The following SLC30A1 variants were observed in gnomAD, a reference collection of about 807,000 sequenced individuals.
The protein encoded by SLC30A1 is solute carrier family 30 member 1, also known as proton-coupled zinc antiporter SLC30A1.
A neutral mutation model predicts 29.8 loss-of-function variants in SLC30A1; 7 were observed. The ratio of observed to expected loss-of-function variants is 0.23; its 90% CI spans 0.13 to 0.44. The LOEUF (loss-of-function observed/expected upper bound fraction) is 0.44. SLC30A1 is among the 20% of genes least tolerant of loss of function. The probability of loss-of-function intolerance (pLI) is 1.00; values close to 1 mark genes in which losing one functional copy is unlikely to be tolerated. For missense variants in SLC30A1, 446 were observed against 647.9 expected (o/e 0.69, Z 3.38); for synonymous variants, 254 against 253.5 (o/e 1.00, Z -0.02).
rs1706749684 is a variant in SLC30A1, at chr1:211,578,437, C to T, written c.176G>A (p.Arg59His). The change falls in exon 1 of 2, where the codon CGC becomes CAC. Residue 59 changes from arginine (R) to histidine (H), a missense_variant. Arg to His is a conservative substitution (Grantham distance 29). This residue lies in a region of SLC30A1 where 62 missense variants were observed against 91.5 expected (regional missense o/e 0.68). Transcript: ENST00000367001. ...LALVVALVAE[R>H]FARRTHATQK... ...GGTGGCGTGGGTCCGCCGGGCGAAG[C>T]GCTCGGCCACCAGCGCCACCACCAG... is the stretch of plus-strand genomic sequence containing the variant. The T allele has an allele frequency of 6.2e-7, 1 of 1,612,090 alleles. No individual in the cohort carries two copies. The highest frequency in any genetic ancestry group is 8.5e-7 in the Non-Finnish European group (1 of 1,179,518).
rs1368436826 is a variant in SLC30A1 at position 211,574,864 on chromosome 1, T to C, written c.*524A>G. 6.5e-6 allele frequency: 1 copy of C among 153,338 alleles called. No individual in the cohort carries two copies. The highest frequency in any genetic ancestry group is 1.5e-5 in the Non-Finnish European group (1 of 68,862). 9.5% of individuals were successfully genotyped at this position (153,338 alleles called of 1,614,324 possible). A position where few individuals can be genotyped will look rare whatever the true frequency, so the allele number is the denominator to read the frequency against. ...AATACAGGATAGTAACTGATCTTAT[T>C]TCCTACTAATAGCCATGAGTCACTC... On this transcript the variant is annotated 3_prime_UTR_variant, in exon 2 of 2. Transcript: ENST00000367001.
At position 211,572,985 on chromosome 1, in the gene SLC30A1, T is replaced by C. The variant is rs1333631384; in HGVS notation, c.*2403A>G. On this transcript the variant is annotated 3_prime_UTR_variant, in exon 2 of 2. Coordinates refer to ENST00000367001, the MANE Select transcript of SLC30A1 (RefSeq NM_021194.3). ...AAATAGCATATTTAAATATTGGGTT[T>C]AAGTCTCCTAATAATTCAGAGTATT... is the stretch of plus-strand genomic sequence containing the variant. The C allele has an allele frequency of 6.6e-6, 1 of 152,108 alleles. No individual in the cohort carries two copies. Among genetic ancestry groups the C allele is most frequent in the Non-Finnish European group, 1.5e-5 (1 of 67,940 alleles). 9.4% of individuals were successfully genotyped at this position (152,108 alleles called of 1,614,324 possible). A position where few individuals can be genotyped will look rare whatever the true frequency, so the allele number is the denominator to read the frequency against.
chr1:211,574,423 C>T lies in SLC30A1; in HGVS notation c.*965G>A, dbSNP rs1706694230. 1 of 152,080 alleles carries T rather than the reference C, an allele frequency of 6.6e-6. No homozygotes were observed. The highest frequency in any genetic ancestry group is 6.6e-5 in the Admixed American group (1 of 15,266). 9.4% of individuals were successfully genotyped at this position (152,080 alleles called of 1,614,324 possible). Reference sequence around the variant, plus strand: ...ATTGCTGGTTGTGCTCAAAAAGCTCCATTTAAATCCATTCATGATTGGTTA... The same window carrying T: ...ATTGCTGGTTGTGCTCAAAAAGCTCTATTTAAATCCATTCATGATTGGTTA... On this transcript the variant is annotated 3_prime_UTR_variant, in exon 2 of 2. Transcript: ENST00000367001.
Position 211,572,785 on chromosome 1 carries a change from G to C in SLC30A1, c.*2603C>G, listed in dbSNP as rs1459336184. 5.9e-5 allele frequency: 9 copies of C among 152,022 alleles called. No homozygotes were observed. The highest frequency in any genetic ancestry group is 2.2e-4 in the African/African-American group (9 of 41,416). The allele number at this position is 152,022 out of a possible 1,614,324, so 9.4% of individuals were successfully genotyped here. On this transcript the variant is annotated 3_prime_UTR_variant, in exon 2 of 2. Coordinates refer to ENST00000367001, the MANE Select transcript of SLC30A1 (RefSeq NM_021194.3). ...GGAGAATTAAATCTCTCATCACTAAGGCTGCATTTGGCTTGGAAAAATTTC... is the reference window on the plus strand; with the variant it reads ...GGAGAATTAAATCTCTCATCACTAACGCTGCATTTGGCTTGGAAAAATTTC...
At position 211,573,456 on chromosome 1, in the gene SLC30A1, C is replaced by T. The variant is rs1706677249; in HGVS notation, c.*1932G>A. 1 of 151,918 alleles carries T rather than the reference C, an allele frequency of 6.6e-6. No homozygotes were observed. The highest frequency in any genetic ancestry group is 2.4e-5 in the African/African-American group (1 of 41,406). The allele number at this position is 151,918 out of a possible 1,614,324, so 9.4% of individuals were successfully genotyped here. A position where few individuals can be genotyped will look rare whatever the true frequency, so the allele number is the denominator to read the frequency against. On this transcript the variant is annotated 3_prime_UTR_variant, in exon 2 of 2. Coordinates refer to ENST00000367001, the MANE Select transcript of SLC30A1 (RefSeq NM_021194.3). ...TCAAGTAGAGCATTTGTAAAGAAAACCTCATTGAATGTAATATATTTTATC... is the reference window on the plus strand; with the variant it reads ...TCAAGTAGAGCATTTGTAAAGAAAATCTCATTGAATGTAATATATTTTATC...
Position 211,578,123 on chromosome 1 carries a change from G to A in SLC30A1, c.490C>T (p.Arg164Cys), listed in dbSNP as rs767899380. The change falls in exon 1 of 2, where the codon CGC (arginine) becomes TGC (cysteine). Residue 164 changes from arginine to cysteine, a missense_variant. Arg to Cys is a radical substitution (Grantham distance 180). Around this residue, in one of 5 missense-constraint regions of SLC30A1, gnomAD observed 159 missense variants for 161.1 expected, o/e 0.99. Coordinates refer to ENST00000367001, the MANE Select transcript of SLC30A1 (RefSeq NM_021194.3). ...GHGHGLPKGP[R>C]VKSTRPGSSD... is the part of the protein sequence containing the mutation. The stretch of plus-strand genomic sequence containing the variant: ...CTCCCGGGGCGGGTGCTCTTAACGC[G>A]AGGCCCCTTGGGGAGGCCGTGGCCG... The A allele has an allele frequency of 4.3e-6, 7 of 1,609,446 alleles. No individual in the cohort carries two copies. The Admixed American group carries it at 8.4e-5, about 19-fold the overall frequency.
Position 211,578,531 on chromosome 1 carries a change from C to T in SLC30A1, c.82G>A (p.Val28Met), listed in dbSNP as rs1433707917. 1 of 1,611,112 alleles carries T rather than the reference C, an allele frequency of 6.2e-7. No individual in the cohort carries two copies. The highest frequency in any genetic ancestry group is 1.1e-5 in the South Asian group (1 of 90,776). Reference protein sequence around the residue: ...TFMFMVLEVVVSRVTSSLAML... With the variant: ...TFMFMVLEVVMSRVTSSLAML... Reference sequence around the variant, plus strand: ...GCCAGCGACGAGGTCACCCGGCTCACCACCACCTCCAGCACCATGAACATG... The same window carrying T: ...GCCAGCGACGAGGTCACCCGGCTCATCACCACCTCCAGCACCATGAACATG... Residue 28 changes from valine (V) to methionine (M), a missense_variant, in exon 1 of 2, where the codon GTG becomes ATG. Val to Met is a conservative substitution (Grantham distance 21). Around this residue, in one of 5 missense-constraint regions of SLC30A1, gnomAD observed 62 missense variants for 91.5 expected, o/e 0.68. Transcript: ENST00000367001.
At position 211,575,956 on chromosome 1, in the gene SLC30A1, G is replaced by A; in HGVS notation, c.956C>T (p.Thr319Ile). 6.2e-7 allele frequency: 1 copy of A among 1,613,286 alleles called. No individual in the cohort carries two copies. Among genetic ancestry groups the A allele is most frequent in the Non-Finnish European group, 8.5e-7 (1 of 1,179,486 alleles). Residue 319 changes from threonine (T) to isoleucine (I), a missense_variant, in exon 2 of 2, where the codon ACT becomes ATT. Coordinates refer to ENST00000367001, the MANE Select transcript of SLC30A1 (RefSeq NM_021194.3). This position sits in a 1 kb window ranked among gnomAD's most constrained non-coding sequence, Gnocchi z 6.0. ...TATACAAACCATTACAACACAAAGA[G>A]TTGGATCTAAATATAGCACCCAGCA... ...GPCWVLYLDPTLCVVMVCILL... is the reference protein window; with the variant it reads ...GPCWVLYLDPILCVVMVCILL...
In SLC30A1 at chr1:211,578,099, T is replaced by G. The variant is rs1706744706; in HGVS notation, c.514A>C (p.Ser172Arg). The change falls in exon 1 of 2, where the codon AGC (serine) becomes CGC (arginine). Residue 172 changes from serine (S) to arginine (R), a missense_variant. Coordinates refer to ENST00000367001, the MANE Select transcript of SLC30A1 (RefSeq NM_021194.3). ...CCCGGGGCCACGTTGATGTCGCTGC[T>G]CCCGGGGCGGGTGCTCTTAACGCGA... ...GPRVKSTRPGSSDINVAPGEQ... is the reference protein window; with the variant it reads ...GPRVKSTRPGRSDINVAPGEQ... The G allele has an allele frequency of 1.2e-6, 2 of 1,611,374 alleles. No homozygotes were observed. Among genetic ancestry groups the G allele is most frequent in the Non-Finnish European group, 1.7e-6 (2 of 1,179,226 alleles).
Position 211,571,916 on chromosome 1 carries a change from G to A in SLC30A1, c.*3472C>T, listed in dbSNP as rs1437897110. 5 of 152,048 alleles carry A rather than the reference G, an allele frequency of 3.3e-5. No individual in the cohort carries two copies. Among genetic ancestry groups the A allele is most frequent in the Admixed American group, 6.6e-5 (1 of 15,262 alleles). The allele number at this position is 152,048 out of a possible 1,614,324, so 9.4% of individuals were successfully genotyped here. ...GATACACTTCATTGTGCTGTTTCAA[G>A]GCAGAACCATAACATGGCAATTTGT... is the stretch of plus-strand genomic sequence containing the variant. On this transcript the variant is annotated 3_prime_UTR_variant, in exon 2 of 2. Transcript: ENST00000367001.
Position 211,575,901 on chromosome 1 carries a change from C to T in SLC30A1, c.1011G>A (p.Lys337=). The T allele has an allele frequency of 6.2e-7, 1 of 1,612,740 alleles. No homozygotes were observed. The change falls in exon 2 of 2, where the codon AAG becomes AAA. Residue 337 remains lysine (K), a synonymous_variant. Coordinates refer to ENST00000367001, the MANE Select transcript of SLC30A1 (RefSeq NM_021194.3). This position sits in a 1 kb window ranked among gnomAD's most constrained non-coding sequence, Gnocchi z 6.0. ...TTTGTAGAAGAATAAGAGCAGATTCCTTAAGTAATGGATAGGTTGTGTAAA... is the reference window on the plus strand; with the variant it reads ...TTTGTAGAAGAATAAGAGCAGATTCTTTAAGTAATGGATAGGTTGTGTAAA... ...ILLYTTYPLL[K]ESALILLQTV...
At position 211,573,513 on chromosome 1, in the gene SLC30A1, T is replaced by C. The variant is rs370419496; in HGVS notation, c.*1875A>G. 6 of 152,186 alleles carry C rather than the reference T, an allele frequency of 3.9e-5. No individual in the cohort carries two copies. The highest frequency in any genetic ancestry group is 1.9e-4 in the East Asian group (1 of 5,196). The allele number at this position is 152,186 out of a possible 1,614,324, so 9.4% of individuals were successfully genotyped here. A position where few individuals can be genotyped will look rare whatever the true frequency, so the allele number is the denominator to read the frequency against. ...CTTTGTATCATTGCTGAAATGTTTA[T>C]GTAACAAATTGATATCTGAATAAAA... On this transcript the variant is annotated 3_prime_UTR_variant, in exon 2 of 2. Coordinates refer to ENST00000367001, the MANE Select transcript of SLC30A1 (RefSeq NM_021194.3).
rs1370954285 is a variant in SLC30A1 at position 211,578,289 on chromosome 1, G to T, written c.324C>A (p.His108Gln). Residue 108 changes from histidine to glutamine, a missense_variant, in exon 1 of 2, where the codon CAC becomes CAA. Transcript: ENST00000367001. Reference protein sequence around the residue: ...LEAIERFIEPHEMQQPLVVLG... With the variant: ...LEAIERFIEPQEMQQPLVVLG... ...GGACCACCAGCGGCTGCTGCATCTC[G>T]TGCGGCTCGATGAAGCGCTCGATGG... 3 of 1,612,052 alleles carry T rather than the reference G, an allele frequency of 1.9e-6. No individual in the cohort carries two copies. Among genetic ancestry groups the T allele is most frequent in the Non-Finnish European group, 2.5e-6 (3 of 1,179,590 alleles).
chr1:211,575,013 A>G lies in SLC30A1; in HGVS notation c.*375T>C, dbSNP rs1706700997. 6.0e-6 allele frequency: 1 copy of G among 167,768 alleles called. No individual in the cohort carries two copies. The highest frequency in any genetic ancestry group is 2.4e-5 in the African/African-American group (1 of 41,786). The allele number at this position is 167,768 out of a possible 1,614,324, so 10.4% of individuals were successfully genotyped here. A position where few individuals can be genotyped will look rare whatever the true frequency, so the allele number is the denominator to read the frequency against. ...AATTATAATTCTAATAAAGTATAAC[A>G]CTGGGGGAAAAGAAAAGCAGAGAAA... is the stretch of plus-strand genomic sequence containing the variant. On this transcript the variant is annotated 3_prime_UTR_variant, in exon 2 of 2. Coordinates refer to ENST00000367001, the MANE Select transcript of SLC30A1 (RefSeq NM_021194.3). The surrounding 1 kb of genome is among the most constrained non-coding windows in gnomAD (Gnocchi z 6.0).
In SLC30A1 at chr1:211,577,894, G is replaced by A. The variant is rs1273506307; in HGVS notation, c.622+97C>T. The A allele has an allele frequency of 4.0e-6, 6 of 1,514,132 alleles. No homozygotes were observed. In the Admixed American group the frequency reaches 5.7e-5, roughly 15 times the overall value. The allele number at this position is 1,514,132 out of a possible 1,614,324, so 93.8% of individuals were successfully genotyped here. A position where few individuals can be genotyped will look rare whatever the true frequency, so the allele number is the denominator to read the frequency against. ...GGGGCGGCGCGGCGCAGGCCCGCTC[G>A]GGCAGCAGGGGGCGTGCGGGCCACC... is the stretch of plus-strand genomic sequence containing the variant. On this transcript the variant is annotated intron_variant, in intron 1 of 1. Transcript: ENST00000367001. This position sits in a 1 kb window ranked among gnomAD's most constrained non-coding sequence, Gnocchi z 4.5.
chr1:211,578,003 A>G lies in SLC30A1; in HGVS notation c.610T>C (p.Leu204=), dbSNP rs1037776437. ...TTTCCCGGCTCACCTGCGGGGTCCA[A>G]TTTCAGCCCGTTGGAGTTGCTGGTA... The part of the protein sequence containing the change: ...ANTSNSNGLK[L]DPADPENPRS... Residue 204 remains leucine (L), a synonymous_variant, in exon 1 of 2, where the codon TTG becomes CTG. Coordinates refer to ENST00000367001, the MANE Select transcript of SLC30A1 (RefSeq NM_021194.3). 1.2e-6 allele frequency: 2 copies of G among 1,613,004 alleles called. No homozygotes were observed. The highest frequency in any genetic ancestry group is 1.3e-5 in the African/African-American group (1 of 75,020).
In SLC30A1 at chr1:211,575,885, G is replaced by A. The variant is rs1410627495; in HGVS notation, c.1027C>T (p.Leu343Phe). ...ATTTGTTTAGGAACAGTTTGTAGAAGAATAAGAGCAGATTCCTTAAGTAAT... is the reference window on the plus strand; with the variant it reads ...ATTTGTTTAGGAACAGTTTGTAGAAAAATAAGAGCAGATTCCTTAAGTAAT... ...YPLLKESALI[L>F]LQTVPKQIDI... is the part of the protein sequence containing the mutation. Residue 343 changes from leucine to phenylalanine, a missense_variant, in exon 2 of 2, where the codon CTT becomes TTT. By Grantham distance (22) the Leu-to-Phe change is conservative. Around this residue, in one of 5 missense-constraint regions of SLC30A1, gnomAD observed 187 missense variants for 312.7 expected, o/e 0.60. Coordinates refer to ENST00000367001, the MANE Select transcript of SLC30A1 (RefSeq NM_021194.3). This position sits in a 1 kb window ranked among gnomAD's most constrained non-coding sequence, Gnocchi z 6.0. 1 of 1,612,908 alleles carries A rather than the reference G, an allele frequency of 6.2e-7. No individual in the cohort carries two copies. Among genetic ancestry groups the A allele is most frequent in the Non-Finnish European group, 8.5e-7 (1 of 1,179,440 alleles).
In SLC30A1 at chr1:211,575,054, T is replaced by C. The variant is rs1278004938; in HGVS notation, c.*334A>G. The C allele has an allele frequency of 5.6e-6, 1 of 178,496 alleles. No individual in the cohort carries two copies. Among genetic ancestry groups the C allele is most frequent in the Non-Finnish European group, 1.2e-5 (1 of 85,238 alleles). 11.1% of individuals were successfully genotyped at this position (178,496 alleles called of 1,614,324 possible). A position where few individuals can be genotyped will look rare whatever the true frequency, so the allele number is the denominator to read the frequency against. ...AGCAGAGAAATTCCAGTAACAATTTTATTTATCCCCCTAATTTTTATCATG... is the reference window on the plus strand; with the variant it reads ...AGCAGAGAAATTCCAGTAACAATTTCATTTATCCCCCTAATTTTTATCATG... On this transcript the variant is annotated 3_prime_UTR_variant, in exon 2 of 2. Coordinates refer to ENST00000367001, the MANE Select transcript of SLC30A1 (RefSeq NM_021194.3). This position sits in a 1 kb window ranked among gnomAD's most constrained non-coding sequence, Gnocchi z 6.0.
Position 211,572,004 on chromosome 1 carries a change from T to C in SLC30A1, c.*3384A>G, listed in dbSNP as rs932714017. On this transcript the variant is annotated 3_prime_UTR_variant, in exon 2 of 2. Transcript: ENST00000367001. ...ATGTTACATTCCCTCCAGCATCTTT[T>C]TGCCAAAGACACTGGACCATAAAAT... The C allele has an allele frequency of 1.3e-5, 2 of 152,172 alleles. No homozygotes were observed. Among genetic ancestry groups the C allele is most frequent in the African/African-American group, 4.8e-5 (2 of 41,466 alleles). The allele number at this position is 152,172 out of a possible 1,614,324, so 9.4% of individuals were successfully genotyped here.
Sources: allele counts gnomAD v4.1 joint callset, GRCh38; gene constraint gnomAD v4.1.1; regional missense constraint gnomAD v4.1.1; non-coding constraint Gnocchi (gnomAD v3.1); transcripts MANE v1.5; gene names NCBI Gene and HGNC (gene_info 2026-07-23, HGNC 2026-07-21).